DENND1A: variants seen among roughly 807,000 people sequenced by gnomAD.
The protein encoded by DENND1A is DENN domain containing 1A.
In DENND1A, 51 loss-of-function variants were observed where a neutral mutation model predicts 113.7. The observed-to-expected ratio is 0.45, with a 90% confidence interval of 0.36 to 0.57. The LOEUF is 0.57. DENND1A is among the 20% of genes least tolerant of loss of function. DENND1A has a pLI of 0.00. For synonymous variants in DENND1A, 565 were observed against 570.8 expected (o/e 0.99, Z 0.14); for missense variants, 1,258 against 1,395.9 (o/e 0.90, Z 1.57).
intron 2 of DENND1A, among the ~76,000 whole-genome samples, chr9:123,851,496 G>A (rs1349961860): frequency 1.3e-5 from 2 of 152,118 alleles, no homozygotes; most frequent in African/African-American, 4.8e-5. Flanking sequence ...GTACTCTTAG[G>A]ATAAGAAAAA....
At chr9:123,672,371 C>T (rs1184791848) in intron 6 of DENND1A, among the ~76,000 whole-genome samples, 1 of 151,982 alleles carries the variant, frequency 6.6e-6, no homozygotes, top group African/African-American at 2.4e-5. Context: ...TGCTCTGAAA[C>T]AATCTCAAAC....
At chr9:123,817,046 A>C (rs1382133475) in intron 2 of DENND1A, among the ~76,000 whole-genome samples, 1 of 152,224 alleles carries the variant, frequency 6.6e-6, no homozygotes, top group Non-Finnish European at 1.5e-5. Flanking sequence ...GGCTCCAAAA[A>C]GGAAATAACA....
intron 9 of DENND1A, among the ~76,000 whole-genome samples, chr9:123,635,187 G>A (rs1475714080): frequency 1.3e-5 from 2 of 152,118 alleles, no homozygotes; most frequent in Non-Finnish European, 2.9e-5. Context: ...GCAACTTGAC[G>A]TGAAATAAAA....
chr9:123,711,790 A>C (rs995626093), intron 5 of DENND1A, among the ~76,000 whole-genome samples: 1 of 151,802 alleles, frequency 6.6e-6, no homozygotes, highest in African/African-American at 2.4e-5. Context: ...AGACTTCCCA[A>C]ATCTGAAACT....
chr9:123,557,730 A>G (rs996333481), intron 12 of DENND1A, 35 bp from the exon 13 acceptor site: 10 of 1,611,388 alleles, frequency 6.2e-6, no homozygotes, highest in Non-Finnish European at 8.5e-6. Flanking sequence ...CAGGTTGAGG[A>G]CAGGGTCAAA....
chr9:123,546,566 A>G (rs144809492), intron 13 of DENND1A, among the ~76,000 whole-genome samples: 1 of 152,000 alleles, frequency 6.6e-6, no homozygotes, highest in Non-Finnish European at 1.5e-5. Flanking sequence ...AAAAAAAACA[A>G]CAACTAAGTA....
At chr9:123,887,761 C>T (rs1269513832) in intron 1 of DENND1A, among the ~76,000 whole-genome samples, 1 of 151,952 alleles carries the variant, frequency 6.6e-6, no homozygotes, top group Non-Finnish European at 1.5e-5. Context: ...AGGAGGCGAG[C>T]ATGCACACAG....
At chr9:123,385,800 G>A (rs1223232986) in intron 22 of DENND1A, among the ~76,000 whole-genome samples, 1 of 152,220 alleles carries the variant, frequency 6.6e-6, no homozygotes, top group South Asian at 2.1e-4. Flanking sequence ...TGGAAGCCAA[G>A]CTTGAGAGGC....
rs893249646 is a variant in DENND1A, at chr9:123,440,496, A to G, written c.1357-5T>C. The G allele has an allele frequency of 1.1e-5, 17 of 1,555,186 alleles. No individual in the cohort carries two copies. Among genetic ancestry groups the G allele is most frequent in the Non-Finnish European group, 1.5e-5 (17 of 1,160,908 alleles). On this transcript the variant is annotated splice_polypyrimidine_tract_variant and splice_region_variant and intron_variant, in intron 18 of 23. Coordinates refer to ENST00000394215, the MANE Select transcript of DENND1A (RefSeq NM_001352964.2). ...GCAGCCATTCTCGGCAATGTCCTGT[A>G]GGGAGAAGGATAGTCAGCGGTTGGC...
chr9:123,885,858 C>T (rs1848993938), intron 1 of DENND1A, among the ~76,000 whole-genome samples: 1 of 152,200 alleles, frequency 6.6e-6, no homozygotes, highest in Non-Finnish European at 1.5e-5. Context: ...CAGCTCACTG[C>T]AACCTCCGCC....
At chr9:123,715,522 G>A (rs1412344259) in intron 5 of DENND1A, among the ~76,000 whole-genome samples, 1 of 152,174 alleles carries the variant, frequency 6.6e-6, no homozygotes, top group Non-Finnish European at 1.5e-5. Flanking sequence ...ATGAATGAGT[G>A]AGTAAAGTTA....
At chr9:123,468,634 T>C (rs904598786) in intron 13 of DENND1A, among the ~76,000 whole-genome samples, 2 of 152,148 alleles carry the variant, frequency 1.3e-5, no homozygotes, top group Non-Finnish European at 2.9e-5. Context: ...GGCTTCTTCT[T>C]ACAGGGTCAG....
intron 2 of DENND1A, among the ~76,000 whole-genome samples, chr9:123,802,861 C>T (rs1834922561): frequency 6.6e-6 from 1 of 152,188 alleles, no homozygotes; most frequent in Non-Finnish European, 1.5e-5. Context: ...CACCACCACA[C>T]CCAGCTAATT....
intron 11 of DENND1A, 25 bp downstream of exon 11, chr9:123,609,411 C>T: frequency 1.2e-6 from 2 of 1,612,904 alleles, no homozygotes; most frequent in South Asian, 2.2e-5. Flanking sequence ...GTAGAGCCAT[C>T]TGGGGAGGAA....
chr9:123,428,978 T>C (rs1466317753), intron 19 of DENND1A, among the ~76,000 whole-genome samples: 8 of 152,176 alleles, frequency 5.3e-5, no homozygotes, highest in Non-Finnish European at 5.9e-5. Context: ...AAGTACTTTA[T>C]AGATTCAATG....
At chr9:123,474,692 T>C (rs1191851511) in intron 13 of DENND1A, among the ~76,000 whole-genome samples, 2 of 152,238 alleles carry the variant, frequency 1.3e-5, no homozygotes, top group East Asian at 3.8e-4. Flanking sequence ...CTTCAAACTC[T>C]CTAGAGCCTT....
intron 5 of DENND1A, among the ~76,000 whole-genome samples, chr9:123,721,520 A>G (rs572300967): frequency 6.6e-6 from 1 of 152,330 alleles, no homozygotes; most frequent in South Asian, 2.1e-4. Flanking sequence ...GAGCTACCTC[A>G]TGATATGGTT....
intron 5 of DENND1A, among the ~76,000 whole-genome samples, chr9:123,715,156 C>T (rs1198955991): frequency 6.6e-6 from 1 of 151,792 alleles, no homozygotes. Flanking sequence ...TGCACTTCAG[C>T]CTGGGTGACA....
At chr9:123,583,126 C>T (rs1401965280) in intron 12 of DENND1A, 43 bp downstream of exon 12, 3 of 1,420,760 alleles carry the variant, frequency 2.1e-6, no homozygotes, top group East Asian at 2.3e-5. Flanking sequence ...ATTTCCTTTG[C>T]AGGAGCTCAC....
Sources: allele counts gnomAD v4.1 joint callset (sites outside exome capture counted in the v4.1 genomes callset), GRCh38; gene constraint gnomAD v4.1.1; transcripts MANE v1.5; gene names NCBI Gene and HGNC (gene_info 2026-07-23, HGNC 2026-07-21).